Variants in PPP4R1 observed in about 807,000 individuals in gnomAD.
PPP4R1 encodes the protein serine/threonine-protein phosphatase 4 regulatory subunit 1.
Under a neutral mutation model 111.2 loss-of-function variants are expected in PPP4R1, and 42 were observed. That is an observed-to-expected ratio of 0.38 (90% CI 0.29 to 0.49). The LOEUF is 0.49. Ranked by LOEUF, PPP4R1 falls within the 20% of genes least tolerant of loss-of-function variation. The probability of loss-of-function intolerance (pLI) is 0.97; values close to 1 mark genes in which losing one functional copy is unlikely to be tolerated. For missense variants in PPP4R1, 1,012 were observed against 1,161.6 expected, an observed-to-expected ratio of 0.87 and a Z score of 1.87; for synonymous variants, 409 against 405.5, an observed-to-expected ratio of 1.01 and a Z score of -0.10.
intron 19 of PPP4R1, among the ~76,000 whole-genome samples, chr18:9,548,431 T>C (rs1433455881): frequency 1.3e-5 from 2 of 151,970 alleles, no homozygotes; most frequent in Non-Finnish European, 2.9e-5. Flanking sequence ...TTAAAATAAA[T>C]AAACCACCTT....
chr18:9,588,667 C>G (rs769936810), intron 5 of PPP4R1, 44 bp downstream of exon 5: 9 of 1,518,560 alleles, frequency 5.9e-6, no homozygotes, highest in Middle Eastern at 1.7e-4. Context: ...CCATATATTA[C>G]ACTACGTAAA....
intron 13 of PPP4R1, among the ~76,000 whole-genome samples, chr18:9,561,543 C>A (rs1447060578): frequency 1.3e-5 from 2 of 152,172 alleles, no homozygotes; most frequent in African/African-American, 4.8e-5. Flanking sequence ...AGTTTCCCTG[C>A]AGCTTGTTAC....
chr18:9,609,370 C>G (rs867824563), intron 2 of PPP4R1, among the ~76,000 whole-genome samples: 1 of 145,946 alleles, frequency 6.9e-6, no homozygotes, highest in Middle Eastern at 3.5e-3. Context: ...CAATATTTTG[C>G]TCCTCACCTC....
intron 12 of PPP4R1, 104 bp downstream of exon 12, chr18:9,563,274 A>G: frequency 1.5e-6 from 2 of 1,351,034 alleles, no homozygotes; most frequent in Non-Finnish European, 2.0e-6. Context: ...ATCAGCAACA[A>G]ACAGAACATA....
At chr18:9,616,673 T>G (rs532312852), upstream of PPP4R1, among the ~76,000 whole-genome samples, 1 of 121,784 alleles carries the variant, frequency 8.2e-6, no homozygotes, top group African/African-American at 3.1e-5. Context: ...AAGACAAAAC[T>G]GTCTTGATCT....
chr18:9,557,955 G>C (rs1306092674), intron 14 of PPP4R1, among the ~76,000 whole-genome samples: 2 of 152,084 alleles, frequency 1.3e-5, no homozygotes, highest in East Asian at 3.8e-4. Flanking sequence ...AAACAAAACA[G>C]AACAATAAAA....
At chr18:9,573,527 G>A (rs1467639709) in intron 10 of PPP4R1, among the ~76,000 whole-genome samples, 8 of 152,210 alleles carry the variant, frequency 5.3e-5, no homozygotes, top group Admixed American at 3.9e-4. Context: ...AAAGGGGGAA[G>A]AGAAGAGCAA....
intron 11 of PPP4R1, among the ~76,000 whole-genome samples, chr18:9,566,825 G>A (rs933297648): frequency 2.6e-5 from 4 of 152,150 alleles, no homozygotes; most frequent in Admixed American, 6.5e-5. Flanking sequence ...AAGGTTTGCC[G>A]AGTACTTTAA....
At position 9,562,046 on chromosome 18, in the gene PPP4R1, G is replaced by A. The variant is rs1316720613; in HGVS notation, c.1776C>T (p.His592=). 10 of 1,612,294 alleles carry A rather than the reference G, an allele frequency of 6.2e-6. No individual in the cohort carries two copies. The Admixed American group carries it at 6.7e-5, about 11-fold the overall frequency. Residue 592 remains histidine (H), a synonymous_variant, in exon 13 of 20, where the codon CAC becomes CAT. Transcript: ENST00000400556. ...ENMDSTLHYI[H]SDSDLSNNSS... is the part of the protein sequence containing the mutation. ...TATTGTTGCTCAAGTCTGAATCGCT[G>A]TGAATATAGTGAAGAGTGGAGTCCA...
intron 11 of PPP4R1, among the ~76,000 whole-genome samples, chr18:9,564,866 C>T (rs112655260): frequency 3.3e-5 from 5 of 151,510 alleles, no homozygotes; most frequent in African/African-American, 9.7e-5. Context: ...CACTATTTTG[C>T]CCAAGTTGGA....
At position 9,570,291 on chromosome 18, in the gene PPP4R1, G is replaced by C. The variant is rs2066839346; in HGVS notation, c.1439C>G (p.Pro480Arg). ...IELEQNSGGKPSPEGPEEESE... is the reference protein window; with the variant it reads ...IELEQNSGGKRSPEGPEEESE... ...TTCTTCCTCTGGTCCCTCTGGGCTG[G>C]GTTTTCCCCCAGAGTTCTGTTCAAG... Residue 480 changes from proline (P) to arginine (R), a missense_variant, in exon 11 of 20, where the codon CCC (proline) becomes CGC (arginine). Physicochemically the swap from Pro to Arg is moderately radical, Grantham distance 103. Coordinates refer to ENST00000400556, the MANE Select transcript of PPP4R1 (RefSeq NM_001042388.3). 3 of 1,612,288 alleles carry C rather than the reference G, an allele frequency of 1.9e-6. No individual in the cohort carries two copies. Among genetic ancestry groups the C allele is most frequent in the Non-Finnish European group, 2.5e-6 (3 of 1,179,298 alleles).
rs774036101 is a variant in PPP4R1 at position 9,584,813 on chromosome 18, C to A, written c.601G>T (p.Ala201Ser). ...TEAVAIMCKM[A>S]PMVGKDITER... is the part of the protein sequence containing the mutation. Reference sequence around the variant, plus strand: ...GTAATATCCTTCCCAACCATGGGAGCCATTTTGCACATTATCTAAAATAAG... The same window carrying A: ...GTAATATCCTTCCCAACCATGGGAGACATTTTGCACATTATCTAAAATAAG... The change falls in exon 7 of 20, where the codon GCT (alanine) becomes TCT (serine). Residue 201 changes from alanine (A) to serine (S), a missense_variant. Physicochemically the swap from Ala to Ser is moderately conservative, Grantham distance 99. Transcript: ENST00000400556. 2 of 1,610,916 alleles carry A rather than the reference C, an allele frequency of 1.2e-6. No homozygotes were observed. Among genetic ancestry groups the A allele is most frequent in the East Asian group, 4.5e-5 (2 of 44,818 alleles).
intron 16 of PPP4R1, among the ~76,000 whole-genome samples, chr18:9,552,999 G>T (rs968558096): frequency 6.6e-6 from 1 of 152,168 alleles, no homozygotes; most frequent in Non-Finnish European, 1.5e-5. Context: ...TTCTTTTCGG[G>T]AGGTTAACAT....
At chr18:9,603,782 A>C (rs1420951922) in intron 2 of PPP4R1, among the ~76,000 whole-genome samples, 1 of 152,180 alleles carries the variant, frequency 6.6e-6, no homozygotes. Context: ...ACCTTGCCTG[A>C]CATAAAATTT....
intron 15 of PPP4R1, among the ~76,000 whole-genome samples, chr18:9,554,180 T>C (rs935619436): frequency 6.6e-6 from 1 of 150,600 alleles, no homozygotes; most frequent in Non-Finnish European, 1.5e-5. Flanking sequence ...CAGGCTGGAG[T>C]GCAGTGGCGG....
chr18:9,615,413 G>C (rs2067677070), upstream of PPP4R1: 1 of 152,272 alleles, frequency 6.6e-6, no homozygotes, highest in African/African-American at 2.4e-5. Context: ...AGAATGTAGG[G>C]AACCTAGCAT....
chr18:9,599,553 A>G (rs1002510201), intron 2 of PPP4R1: 10 of 152,252 alleles, frequency 6.6e-5, no homozygotes, highest in African/African-American at 2.4e-4. Context: ...GAGACTGTCA[A>G]ATTGGATTAC....
intron 4 of PPP4R1, among the ~76,000 whole-genome samples, chr18:9,589,201 T>C (rs1249846204): frequency 1.3e-5 from 2 of 152,210 alleles, no homozygotes; most frequent in Admixed American, 6.5e-5. Flanking sequence ...GACACATACA[T>C]AGTATTATCC....
At position 9,559,427 on chromosome 18, in the gene PPP4R1, C is replaced by T. The variant is rs780714268; in HGVS notation, c.2020G>A (p.Asp674Asn). ...LRETYETLAS[D>N]MQWKVRRTLA... ...TTAACTGCTTTACTCACCTGCATGT[C>T]TGAGGCCAGAGTCTCATACGTCTCT... The change falls in exon 14 of 20, where the codon GAC (aspartate) becomes AAC (asparagine). Residue 674 changes from aspartate (D) to asparagine (N), a missense_variant. Physicochemically the swap from Asp to Asn is conservative, Grantham distance 23. Transcript: ENST00000400556. The T allele has an allele frequency of 6.2e-7, 1 of 1,610,126 alleles. No individual in the cohort carries two copies. The highest frequency in any genetic ancestry group is 8.5e-7 in the Non-Finnish European group (1 of 1,177,934).
Sources: gnomAD v4.1 joint callset for allele counts (sites outside exome capture counted in the v4.1 genomes callset) on GRCh38, gnomAD v4.1.1 for gene constraint, MANE v1.5 for transcripts, NCBI Gene and HGNC (gene_info 2026-07-23, HGNC 2026-07-21) for gene names.